Variants in EFCAB6 observed in about 807,000 individuals in gnomAD.
The protein encoded by EFCAB6 is EF-hand calcium binding domain 6, also known as EF-hand calcium-binding domain-containing protein 6.
A neutral mutation model predicts 169.8 loss-of-function variants in EFCAB6; 156 were observed. That is an observed-to-expected ratio of 0.92 (90% CI 0.81 to 1.05). The LOEUF (loss-of-function observed/expected upper bound fraction) is 1.05, where lower values mean the gene tolerates loss of function less well. EFCAB6 is among the 50% of genes least tolerant of loss of function. The probability of loss-of-function intolerance (pLI) is 0.00; values close to 1 mark genes in which losing one functional copy is unlikely to be tolerated. For missense variants in EFCAB6, 1,800 were observed against 1,829.1 expected, an observed-to-expected ratio of 0.98 and a Z score of 0.29; for synonymous variants, 698 against 676.4, an observed-to-expected ratio of 1.03 and a Z score of -0.50.
At chr22:43,599,944 A>T in intron 23 of EFCAB6, 125 bp downstream of exon 23, 1 of 1,093,456 alleles carries the variant, frequency 9.1e-7, no homozygotes, top group Non-Finnish European at 1.3e-6. Flanking sequence ...AACTGTGAAC[A>T]AGCACGATCA....
rs756933630 is a variant in EFCAB6, at chr22:43,623,623, C to T, written c.2465+2824G>A. On this transcript the variant is annotated intron_variant, in intron 20 of 31. Transcript: ENST00000262726. The stretch of plus-strand genomic sequence containing the variant: ...GAAAGGGGTGGTATCCGGCCAGGCG[C>T]GGTGGCTCACGCCTGTAATCCCAGC... Among the ~76,000 whole-genome samples, 36 of 150,484 alleles carry T rather than the reference C, an allele frequency of 2.4e-4. 1 individual carries two copies. Among genetic ancestry groups the T allele is most frequent in the South Asian group, 8.5e-4 (4 of 4,718 alleles).
At chr22:43,693,480 T>C (rs774693475) in intron 10 of EFCAB6, among the ~76,000 whole-genome samples, 1 of 149,868 alleles carries the variant, frequency 6.7e-6, no homozygotes, top group Admixed American at 6.7e-5. Context: ...GTAACTGTCA[T>C]ACTCAAGAGG....
chr22:43,745,267 A>G lies in EFCAB6; in HGVS notation c.508-9274T>C, dbSNP rs2060518393. Among the ~76,000 whole-genome samples, 7 of 152,200 alleles carry G rather than the reference A, an allele frequency of 4.6e-5. No individual in the cohort carries two copies. In the South Asian group the frequency reaches 1.4e-3, roughly 32 times the overall value. Reference sequence around the variant, plus strand: ...TTTAAAGAAGATGAGAAAAGGCTGAATGTTTCCCCTCTGAAGCCCAGAATT... The same window carrying G: ...TTTAAAGAAGATGAGAAAAGGCTGAGTGTTTCCCCTCTGAAGCCCAGAATT... On this transcript the variant is annotated intron_variant, in intron 6 of 31. Coordinates refer to ENST00000262726, the MANE Select transcript of EFCAB6 (RefSeq NM_022785.4).
At chr22:43,771,566 T>C (rs2061472269) in intron 4 of EFCAB6, among the ~76,000 whole-genome samples, 1 of 152,226 alleles carries the variant, frequency 6.6e-6, no homozygotes. Flanking sequence ...AATGATATTC[T>C]AGCCCAAATT....
intron 2 of EFCAB6, among the ~76,000 whole-genome samples, chr22:43,784,880 T>C (rs1157773404): frequency 6.7e-6 from 1 of 150,140 alleles, no homozygotes; most frequent in Non-Finnish European, 1.5e-5. Flanking sequence ...TGTCTCTAAA[T>C]AAATTTTTTT....
At chr22:43,736,339 G>A (rs945264393) in intron 6 of EFCAB6, among the ~76,000 whole-genome samples, 3 of 152,076 alleles carry the variant, frequency 2.0e-5, no homozygotes, top group Non-Finnish European at 4.4e-5. Context: ...GGCATGGCTG[G>A]ACTTGTACAA....
At chr22:43,530,742 C>A in intron 31 of EFCAB6, 73 bp downstream of exon 31, 1 of 1,595,566 alleles carries the variant, frequency 6.3e-7, no homozygotes, top group Non-Finnish European at 8.5e-7. Context: ...GAGGGCTCCC[C>A]GTGGGAAGTT....
rs114601925 is a variant in EFCAB6, at chr22:43,619,217, G to A, written c.2466-3295C>T. 9.7e-4 allele frequency among the ~76,000 whole-genome samples: 148 copies of A among 152,298 alleles called. 1 individual carries two copies. The highest frequency in any genetic ancestry group is 2.8e-3 in the African/African-American group (117 of 41,564). ...AGACTGACTTCTAGGTGGTGCACACGTGGGTTTCCCTGAAGAGCGCTGCAA... is the reference window on the plus strand; with the variant it reads ...AGACTGACTTCTAGGTGGTGCACACATGGGTTTCCCTGAAGAGCGCTGCAA... On this transcript the variant is annotated intron_variant, in intron 20 of 31. Transcript: ENST00000262726.
At chr22:43,627,598 G>A (rs1358578982) in intron 19 of EFCAB6, among the ~76,000 whole-genome samples, 5 of 151,922 alleles carry the variant, frequency 3.3e-5, no homozygotes, top group Admixed American at 2.6e-4. Flanking sequence ...GCTCTGCCCG[G>A]GGCCAATGCC....
At chr22:43,606,390 C>T (rs933140023) in intron 22 of EFCAB6, among the ~76,000 whole-genome samples, 2 of 152,210 alleles carry the variant, frequency 1.3e-5, no homozygotes, top group South Asian at 2.1e-4. Context: ...TGCAAAGGCG[C>T]AGACCCAGTG....
At chr22:43,618,166 GA>G (rs1355683556) in intron 20 of EFCAB6, among the ~76,000 whole-genome samples, 992 of 35,820 alleles carry the variant, frequency 0.028, 4 homozygotes, top group African/African-American at 0.03. Context: ...AGGAAGGAAG[GA>G]AAGAAAGAAA....
intron 9 of EFCAB6, among the ~76,000 whole-genome samples, chr22:43,715,857 C>G (rs1387165153): frequency 1.3e-5 from 2 of 152,204 alleles, no homozygotes; most frequent in South Asian, 2.1e-4. Flanking sequence ...TCTCCAACAC[C>G]CTTATCGACA....
intron 16 of EFCAB6, among the ~76,000 whole-genome samples, chr22:43,667,673 C>T (rs986095720): frequency 6.6e-5 from 10 of 152,138 alleles, no homozygotes; most frequent in Non-Finnish European, 1.0e-4. Context: ...CATTAGAAAG[C>T]TTTAAATGAA....
chr22:43,805,037 A>C (rs772117833), intron 2 of EFCAB6, among the ~76,000 whole-genome samples: 37 of 152,262 alleles, frequency 2.4e-4, no homozygotes, highest in Non-Finnish European at 4.7e-4. Context: ...ATGCAAAGTC[A>C]ACATTCAAAA....
At chr22:43,626,847 T>C (rs912533842) in intron 19 of EFCAB6, among the ~76,000 whole-genome samples, 168 bp from the exon 20 acceptor site, 1 of 152,166 alleles carries the variant, frequency 6.6e-6, no homozygotes, top group Non-Finnish European at 1.5e-5. Context: ...CTTGCCATGC[T>C]TTGCTTTTCC....
intron 26 of EFCAB6, among the ~76,000 whole-genome samples, chr22:43,557,961 A>G (rs2048806653): frequency 6.6e-6 from 1 of 152,246 alleles, no homozygotes; most frequent in Admixed American, 6.5e-5. Flanking sequence ...TATAAAATAG[A>G]AATAGAATGG....
chr22:43,705,822 T>A (rs957649894), intron 10 of EFCAB6, among the ~76,000 whole-genome samples: 6 of 151,644 alleles, frequency 4.0e-5, no homozygotes, highest in Middle Eastern at 3.4e-3. Context: ...AACTTATGCC[T>A]CAAGGAAATA....
chr22:43,790,810 C>T (rs1016265449), intron 2 of EFCAB6, among the ~76,000 whole-genome samples: 3 of 152,138 alleles, frequency 2.0e-5, no homozygotes, highest in African/African-American at 4.8e-5. Context: ...GAGAAGACAG[C>T]GGCTCAGACC....
chr22:43,714,907 T>C (rs1354828931), intron 9 of EFCAB6, among the ~76,000 whole-genome samples: 1 of 152,168 alleles, frequency 6.6e-6, no homozygotes, highest in Non-Finnish European at 1.5e-5. Context: ...ATTAAATTCA[T>C]GCAAATATAA....
Sources: allele counts gnomAD v4.1 joint callset (sites outside exome capture counted in the v4.1 genomes callset), GRCh38; gene constraint gnomAD v4.1.1; transcripts MANE v1.5; gene names NCBI Gene and HGNC (gene_info 2026-07-23, HGNC 2026-07-21).